The following HGS variants were observed in gnomAD, a reference collection of about 807,000 sequenced individuals.
The protein encoded by HGS is hepatocyte growth factor-regulated tyrosine kinase substrate, also known as human growth factor-regulated tyrosine kinase substrate.
HGS carries 63 observed loss-of-function variants against 109.7 expected under a neutral mutation model. The observed-to-expected ratio is 0.57, with a 90% CI of 0.47 to 0.71. The LOEUF (loss-of-function observed/expected upper bound fraction) is 0.71, where lower values mean the gene tolerates loss of function less well. Ranked by LOEUF, HGS falls within the 30% of genes least tolerant of loss-of-function variation. The pLI is 0.00. For synonymous variants in HGS, 546 were observed against 437.3 expected (o/e 1.25, Z -3.10); for missense variants, 995 against 1,068.3 (o/e 0.93, Z 0.96).
chr17:81,684,903 C>T, intron 1 of HGS: 2 of 985,302 alleles, frequency 2.0e-6, no homozygotes, highest in Non-Finnish European at 2.4e-6. Flanking sequence ...TAGTTCAGTG[C>T]TTCAGGGATG....
At chr17:81,693,428 G>A (rs1276775061) in intron 8 of HGS, 75 bp from the exon 9 acceptor site, 4 of 1,088,602 alleles carry the variant, frequency 3.7e-6, no homozygotes, top group Admixed American at 3.5e-5. Flanking sequence ...AGCCCGCAGA[G>A]GTGTGGTTGA....
chr17:81,695,048 C>T lies in HGS; in HGVS notation c.1100C>T (p.Ala367Val). The T allele has an allele frequency of 1.9e-6, 3 of 1,613,478 alleles. No individual in the cohort carries two copies. Among genetic ancestry groups the T allele is most frequent in the South Asian group, 1.1e-5 (1 of 91,048 alleles). Residue 367 changes from alanine (A) to valine (V), a missense_variant, in exon 13 of 22, where the codon GCC (alanine) becomes GTC (valine). Transcript: ENST00000329138. ...GCACAGCCTGGGGAAGGGCACGCAG[C>T]CCCCACCAACGTGGTGGAGGTGAGG... ...PAAQPGEGHAAPTNVVENPLP... is the reference protein window; with the variant it reads ...PAAQPGEGHAVPTNVVENPLP...
intron 11 of HGS, among the ~76,000 whole-genome samples, chr17:81,694,192 A>G (rs1346372704): frequency 5.3e-5 from 8 of 152,182 alleles, no homozygotes. Flanking sequence ...GACATGGGAC[A>G]GGCTGTGGGG....
chr17:81,684,287 G>T (rs2036934227), intron 1 of HGS, 184 bp downstream of exon 1: 1 of 458,496 alleles, frequency 2.2e-6, no homozygotes, highest in East Asian at 3.9e-5. Context: ...CGTGGGGTCG[G>T]CGTCCGTCGG....
intron 8 of HGS, chr17:81,692,268 G>C (rs2144493832): frequency 6.6e-6 from 1 of 152,290 alleles, no homozygotes; most frequent in Middle Eastern, 3.4e-3. Context: ...CTCCCTGCTT[G>C]GTTCCCTTTT....
chr17:81,691,055 C>T lies in HGS; in HGVS notation c.537+313C>T, dbSNP rs1340674343. ...GGCCCCCTTCTCTTTGTGGCTTAGC[C>T]CATCTGGATTCTTACCCTCGAGGCA... On this transcript the variant is annotated intron_variant, in intron 7 of 21. Transcript: ENST00000329138. The surrounding 1 kb of genome is among the most constrained non-coding windows in gnomAD (Gnocchi z 5.3). Among the ~76,000 whole-genome samples, 2 of 152,176 alleles carry T rather than the reference C, an allele frequency of 1.3e-5. No homozygotes were observed. The highest frequency in any genetic ancestry group is 4.1e-4 in the South Asian group (2 of 4,828).
At chr17:81,689,251 A>G (rs1427505569) in intron 5 of HGS, among the ~76,000 whole-genome samples, 3 of 152,214 alleles carry the variant, frequency 2.0e-5, no homozygotes, top group African/African-American at 7.2e-5. Context: ...GCCCCAGGGC[A>G]GAAAGGTGGC....
chr17:81,688,127 T>C (rs1224814274), intron 4 of HGS, among the ~76,000 whole-genome samples: 1 of 151,866 alleles, frequency 6.6e-6, no homozygotes, highest in Non-Finnish European at 1.5e-5. Flanking sequence ...TGCAGCAGCC[T>C]CTGATCGCAC....
intron 11 of HGS, 60 bp downstream of exon 11, chr17:81,694,025 G>A (rs916638885): frequency 1.1e-5 from 16 of 1,428,216 alleles, no homozygotes; most frequent in African/African-American, 5.7e-5. Context: ...GATGGGGGAC[G>A]CGGGTCCCTG....
intron 5 of HGS, among the ~76,000 whole-genome samples, chr17:81,689,410 C>T (rs1358077685): frequency 3.3e-5 from 5 of 152,180 alleles, no homozygotes; most frequent in African/African-American, 9.7e-5. Context: ...TCTTAAGGGT[C>T]CCTCTCGGCC....
intron 4 of HGS, among the ~76,000 whole-genome samples, chr17:81,688,484 CGTT>C (rs1568213138): frequency 6.6e-6 from 1 of 152,160 alleles, no homozygotes; most frequent in African/African-American, 2.4e-5. Flanking sequence ...AGAGACGCGG[CGTT>C]GTTTGGCTCC....
intron 7 of HGS, 146 bp downstream of exon 7, chr17:81,690,888 T>C: frequency 1.6e-6 from 1 of 640,502 alleles, no homozygotes; most frequent in Non-Finnish European, 2.6e-6. Flanking sequence ...CAGTGTGGCG[T>C]CAGGAGGGGG....
chr17:81,701,591 C>T lies in HGS; in HGVS notation c.2307C>T (p.Ser769=), dbSNP rs546551085. The T allele has an allele frequency of 4.0e-5, 63 of 1,568,302 alleles. No individual in the cohort carries two copies. The East Asian group carries it at 1.0e-3, about 25-fold the overall frequency. The change falls in exon 22 of 22, where the codon AGC becomes AGT. Residue 769 remains serine (S), a synonymous_variant. Transcript: ENST00000329138. ...PQAQGPPAQG[S]EAQLISFD is the part of the protein sequence containing the mutation. ...CACAGGGGCCGCCGGCACAGGGCAG[C>T]GAGGCCCAGCTCATTTCATTCGACT... is the stretch of plus-strand genomic sequence containing the variant.
Position 81,694,967 on chromosome 17 carries a change from AG to A in HGS, c.1021del (p.Glu341ArgfsTer14). 1 of 1,614,168 alleles carries A rather than the reference AG, an allele frequency of 6.2e-7. No homozygotes were observed. Among genetic ancestry groups the A allele is most frequent in the Non-Finnish European group, 8.5e-7 (1 of 1,180,038 alleles). ...CGGAACTACTGGGAGAAGAAGCAGG[AG>A]GAGGCTCGCAAGAGCCCCACGCCAT... ...LNRNYWEKKQ[E>X]EARKSPTPSA... On this transcript the variant is annotated frameshift_variant, in exon 13 of 22. Transcript: ENST00000329138. LOFTEE classifies it high-confidence loss of function.
At chr17:81,688,871 G>T (rs1190500808) in intron 5 of HGS, 44 bp downstream of exon 5, 1 of 1,612,330 alleles carries the variant, frequency 6.2e-7, no homozygotes, top group Admixed American at 1.7e-5. Context: ...GCTTGGAACT[G>T]CTGGGCAGTC....
intron 21 of HGS, 168 bp from the exon 22 acceptor site, chr17:81,701,340 C>G (rs184451025): frequency 1.2e-6 from 1 of 859,272 alleles, no homozygotes; most frequent in African/African-American, 1.7e-5. Context: ...CAGGAAAAAC[C>G]GTGAATTTAC....
Position 81,701,696 on chromosome 17 carries a change from G to A in HGS, c.*78G>A, listed in dbSNP as rs1568221277. On this transcript the variant is annotated 3_prime_UTR_variant, in exon 22 of 22. Transcript: ENST00000329138. ...CCTCGTCTCTAACTGCCGTCGTCCT[G>A]CCTCCCTGTCCTCTACTGCCGGTAG... The A allele has an allele frequency of 5.3e-6, 8 of 1,496,734 alleles. No homozygotes were observed. 92.7% of individuals were successfully genotyped at this position (1,496,734 alleles called of 1,614,324 possible).
intron 11 of HGS, among the ~76,000 whole-genome samples, chr17:81,694,574 C>T (rs1371976427): frequency 1.3e-5 from 2 of 152,208 alleles, no homozygotes; most frequent in African/African-American, 4.8e-5. Flanking sequence ...CCACCCTGTT[C>T]CTCCCATAGC....
rs573378097 is a variant in HGS at position 81,684,346 on chromosome 17, G to T, written c.37+243G>T. The T allele has an allele frequency of 3.1e-5, 11 of 357,668 alleles. No individual in the cohort carries two copies. The Admixed American group carries it at 3.8e-4, about 12-fold the overall frequency. 22.2% of individuals were successfully genotyped at this position (357,668 alleles called of 1,614,324 possible). Reference sequence around the variant, plus strand: ...AGGGTCCGCGCAGGGCGCCAGGGGCGCTCGGCGACCTCGCTCCTCCGCGGG... The same window carrying T: ...AGGGTCCGCGCAGGGCGCCAGGGGCTCTCGGCGACCTCGCTCCTCCGCGGG... On this transcript the variant is annotated intron_variant, in intron 1 of 21. Transcript: ENST00000329138.
Sources: allele counts gnomAD v4.1 joint callset (sites outside exome capture counted in the v4.1 genomes callset), GRCh38; gene constraint gnomAD v4.1.1; non-coding constraint Gnocchi (gnomAD v3.1); transcripts MANE v1.5; gene names NCBI Gene and HGNC (gene_info 2026-07-23, HGNC 2026-07-21).